USP15: variants seen among roughly 807,000 people sequenced by gnomAD.
USP15 encodes the protein ubiquitin specific peptidase 15, also known as ubiquitin carboxyl-terminal hydrolase 15.
A neutral mutation model predicts 127.1 loss-of-function variants in USP15; 18 were observed. The ratio of observed to expected loss-of-function variants is 0.14; its 90% CI spans 0.10 to 0.21. The LOEUF is 0.21. Among genes scored for constraint, USP15 ranks in the 10% least tolerant of loss-of-function variants. The pLI, the probability that USP15 is intolerant of heterozygous loss-of-function variation, is 1.00. For missense variants in USP15, 805 were observed against 1,159.9 expected, an observed-to-expected ratio of 0.69 and a Z score of 4.44; for synonymous variants, 364 against 393.7, an observed-to-expected ratio of 0.92 and a Z score of 0.89.
chr12:62,404,484 A>G lies in USP15; in HGVS notation c.*109A>G, dbSNP rs2067804710. The G allele has an allele frequency of 1.4e-6, 2 of 1,384,924 alleles. No individual in the cohort carries two copies. Among genetic ancestry groups the G allele is most frequent in the South Asian group, 1.7e-5 (1 of 58,054 alleles). 85.8% of individuals were successfully genotyped at this position (1,384,924 alleles called of 1,614,324 possible). A position where few individuals can be genotyped will look rare whatever the true frequency, so the allele number is the denominator to read the frequency against. On this transcript the variant is annotated 3_prime_UTR_variant, in exon 22 of 22. Transcript: ENST00000280377. The stretch of plus-strand genomic sequence containing the variant: ...AAAAGTCTGAGATGGGGAGTTTCAG[A>G]TAACCGAATGTAAATCCTTTATCAG...
intron 20 of USP15, among the ~76,000 whole-genome samples, chr12:62,400,071 G>C (rs535902311): frequency 6.6e-6 from 1 of 152,054 alleles, no homozygotes; most frequent in Non-Finnish European, 1.5e-5. Flanking sequence ...TTTAGAAGCC[G>C]TACCCTACAA....
At chr12:62,309,096 T>C (rs1334931788) in intron 3 of USP15, among the ~76,000 whole-genome samples, 5 of 152,060 alleles carry the variant, frequency 3.3e-5, no homozygotes, top group African/African-American at 1.2e-4. Flanking sequence ...ATTAACAAAA[T>C]AGAAAACAAA....
intron 11 of USP15, among the ~76,000 whole-genome samples, chr12:62,386,168 G>GTTTTTTTTT (rs11431206): frequency 6.9e-6 from 1 of 145,290 alleles, no homozygotes. Context: ...TGTGTTTTGT[G>GTTTTTTTTT]TTTTTTTTTT....
chr12:62,409,555 C>T lies in USP15; in HGVS notation c.*5180C>T, dbSNP rs2067987106. 2 of 152,056 alleles carry T rather than the reference C, an allele frequency of 1.3e-5. No homozygotes were observed. The highest frequency in any genetic ancestry group is 2.1e-4 in the South Asian group (1 of 4,826). 9.4% of individuals were successfully genotyped at this position (152,056 alleles called of 1,614,324 possible). ...GAAAATCATAATTAAAGTTGGTGCT[C>T]GTGTTGCTAAAGTTTTTTTTCTCAT... On this transcript the variant is annotated 3_prime_UTR_variant, in exon 22 of 22. Coordinates refer to ENST00000280377, the MANE Select transcript of USP15 (RefSeq NM_001252078.2).
chr12:62,398,375 C>A (rs908436339), intron 20 of USP15, among the ~76,000 whole-genome samples: 22 of 152,130 alleles, frequency 1.4e-4, no homozygotes, highest in Admixed American at 9.8e-4. Context: ...TTCTATGTTA[C>A]TCTTCTTACA....
Position 62,294,252 on chromosome 12 carries a change from A to T in USP15, c.163A>T (p.Met55Leu). 6.2e-7 allele frequency: 1 copy of T among 1,613,714 alleles called. No homozygotes were observed. Among genetic ancestry groups the T allele is most frequent in the Non-Finnish European group, 8.5e-7 (1 of 1,179,760 alleles). Residue 55 changes from methionine to leucine, a missense_variant, in exon 2 of 22, where the codon ATG becomes TTG. Coordinates refer to ENST00000280377, the MANE Select transcript of USP15 (RefSeq NM_001252078.2). The part of the protein sequence containing the change: ...VGFDSWDKYQ[M>L]GDQNVYPGPI... ...CTTTGACAGTTGGGACAAATACCAG[A>T]TGGGAGATCAAAATGTGTATCCTGG...
chr12:62,403,436 C>G (rs982787333), intron 21 of USP15, among the ~76,000 whole-genome samples: 2 of 152,028 alleles, frequency 1.3e-5, no homozygotes, highest in African/African-American at 4.8e-5. Context: ...GCATTAAATG[C>G]TACTGAGAGA....
At position 62,308,047 on chromosome 12, in the gene USP15, G is replaced by A. The variant is rs375600566; in HGVS notation, c.348+5127G>A. On this transcript the variant is annotated intron_variant, in intron 3 of 21. Transcript: ENST00000280377. ...ATAAATTAAACTTCGTCATAGGTATGTATGTTTGTAAAGGAAAAAACATAG... is the reference window on the plus strand; with the variant it reads ...ATAAATTAAACTTCGTCATAGGTATATATGTTTGTAAAGGAAAAAACATAG... Among the ~76,000 whole-genome samples the A allele has an allele frequency of 4.7e-4, 71 of 152,212 alleles. No individual in the cohort carries two copies. In the South Asian group the frequency reaches 0.014, roughly 31 times the overall value.
intron 11 of USP15, among the ~76,000 whole-genome samples, chr12:62,388,899 G>A (rs1317661857): frequency 6.6e-6 from 1 of 152,172 alleles, no homozygotes; most frequent in African/African-American, 2.4e-5. Context: ...GGAGACTGAG[G>A]CAGAAGGTCA....
At chr12:62,373,713 T>C (rs1400017995) in intron 8 of USP15, among the ~76,000 whole-genome samples, 1 of 151,980 alleles carries the variant, frequency 6.6e-6, no homozygotes, top group African/African-American at 2.4e-5. Context: ...TGTTCTTTTT[T>C]TAAAGTTGAA....
At chr12:62,305,824 G>A (rs1299430625) in intron 3 of USP15, 1 of 152,146 alleles carries the variant, frequency 6.6e-6, no homozygotes, top group African/African-American at 2.4e-5. Context: ...GGTCTGTGTG[G>A]CCAATAGCAT....
At chr12:62,374,019 G>A (rs1405321155) in intron 8 of USP15, among the ~76,000 whole-genome samples, 1 of 151,766 alleles carries the variant, frequency 6.6e-6, no homozygotes, top group African/African-American at 2.4e-5. Flanking sequence ...AGATTGCTTT[G>A]GAATCATACA....
Position 62,319,015 on chromosome 12 carries a change from T to G in USP15, c.476-2449T>G, listed in dbSNP as rs1406232890. On this transcript the variant is annotated intron_variant, in intron 4 of 21. Transcript: ENST00000280377. ...ACCTTGAATTAGTCCATTCTCGCAC[T>G]GCTATAAAGAACTACTGGAGACTAG... 2.0e-5 allele frequency among the ~76,000 whole-genome samples: 3 copies of G among 152,318 alleles called. No homozygotes were observed. The East Asian group carries it at 5.8e-4, about 29-fold the overall frequency.
At chr12:62,348,738 T>C (rs1381839925) in intron 6 of USP15, among the ~76,000 whole-genome samples, 2 of 152,156 alleles carry the variant, frequency 1.3e-5, no homozygotes, top group African/African-American at 4.8e-5. Context: ...ATATAGCATA[T>C]TGGGATTATG....
At chr12:62,360,264 A>G (rs185075048) in intron 8 of USP15, among the ~76,000 whole-genome samples, 7 of 152,200 alleles carry the variant, frequency 4.6e-5, no homozygotes, top group Admixed American at 4.6e-4. Context: ...CTAATCAAAG[A>G]CTTATTCATT....
chr12:62,279,984 G>A (rs1429330612), intron 1 of USP15, among the ~76,000 whole-genome samples: 1 of 151,824 alleles, frequency 6.6e-6, no homozygotes, highest in Non-Finnish European at 1.5e-5. Flanking sequence ...TCACAGCTTT[G>A]ACACTTTGTA....
chr12:62,274,800 A>G (rs1172425474), intron 1 of USP15, among the ~76,000 whole-genome samples: 8 of 152,196 alleles, frequency 5.3e-5, no homozygotes, highest in African/African-American at 1.9e-4. Context: ...CATTTATATT[A>G]TGCAGATACT....
intron 6 of USP15, among the ~76,000 whole-genome samples, chr12:62,346,973 C>A (rs920781627): frequency 1.3e-5 from 2 of 152,056 alleles, no homozygotes; most frequent in African/African-American, 4.8e-5. Flanking sequence ...TTTTAAATCA[C>A]CTTATGTCAC....
At position 62,298,322 on chromosome 12, in the gene USP15, C is replaced by G. The variant is rs1026977603; in HGVS notation, c.217+4016C>G. Among the ~76,000 whole-genome samples, 16 of 151,854 alleles carry G rather than the reference C, an allele frequency of 1.1e-4. No homozygotes were observed. The East Asian group carries it at 3.1e-3, about 29-fold the overall frequency. On this transcript the variant is annotated intron_variant, in intron 2 of 21. Transcript: ENST00000280377. Reference sequence around the variant, plus strand: ...GACGGATCACATGAACACAGGAGTTCGAGATCAGCTTGGGCAACATGGTGA... The same window carrying G: ...GACGGATCACATGAACACAGGAGTTGGAGATCAGCTTGGGCAACATGGTGA...
Sources: gnomAD v4.1 joint callset for allele counts (sites outside exome capture counted in the v4.1 genomes callset) on GRCh38, gnomAD v4.1.1 for gene constraint, MANE v1.5 for transcripts, NCBI Gene and HGNC (gene_info 2026-07-23, HGNC 2026-07-21) for gene names.